EYA2: variants seen among roughly 807,000 people sequenced by gnomAD.
EYA2 encodes the protein protein phosphatase EYA2.
Under a neutral mutation model 69.2 loss-of-function variants are expected in EYA2, and 31 were observed. The observed-to-expected ratio is 0.45, with a 90% confidence interval of 0.34 to 0.60. The LOEUF (loss-of-function observed/expected upper bound fraction) is 0.60. Ranked by LOEUF, EYA2 falls within the 20% of genes least tolerant of loss-of-function variation. EYA2 has a pLI of 0.02. For synonymous variants in EYA2, 257 were observed against 279.4 expected, an observed-to-expected ratio of 0.92 and a Z score of 0.80; for missense variants, 622 against 701.2, an observed-to-expected ratio of 0.89 and a Z score of 1.28.
intron 7 of EYA2, among the ~76,000 whole-genome samples, chr20:47,078,325 G>GCA (rs1358060493): frequency 3.8e-5 from 4 of 105,344 alleles, no homozygotes; most frequent in African/African-American, 8.7e-5. Context: ...ACGTGCGCGC[G>GCA]CGCGCGCACA....
intron 1 of EYA2, among the ~76,000 whole-genome samples, chr20:46,913,862 G>A (rs1043458182): frequency 6.6e-6 from 1 of 152,160 alleles, no homozygotes; most frequent in Non-Finnish European, 1.5e-5. Context: ...ATTGAGCCAG[G>A]TGTTTGAATA....
intron 9 of EYA2, among the ~76,000 whole-genome samples, chr20:47,130,958 G>C (rs550613788): frequency 1.3e-5 from 2 of 152,138 alleles, no homozygotes; most frequent in South Asian, 4.2e-4. Flanking sequence ...GTGTAGTGGC[G>C]GGTGCCTGTA....
chr20:46,977,792 T>G lies in EYA2; in HGVS notation c.-10-12209T>G, dbSNP rs60654060. On this transcript the variant is annotated intron_variant, in intron 1 of 15. Coordinates refer to ENST00000327619, the MANE Select transcript of EYA2 (RefSeq NM_005244.5). ...CATTGCAGCCCTGCCCCACAACTTC[T>G]ATTCAATGACACTTCCCCATGTTAA... is the stretch of plus-strand genomic sequence containing the variant. Among the ~76,000 whole-genome samples, 1,395 of 152,254 alleles carry G rather than the reference T, an allele frequency of 9.2e-3. 22 individuals are homozygous for G. The highest frequency in any genetic ancestry group is 0.073 in the East Asian group (377 of 5,182).
chr20:47,049,839 CTA>C (rs1357243168), intron 5 of EYA2, among the ~76,000 whole-genome samples: 1 of 151,058 alleles, frequency 6.6e-6, no homozygotes, highest in East Asian at 1.9e-4. Context: ...GCCTCTCTCT[CTA>C]GGCTCCCATC....
At chr20:47,172,569 C>T (rs953516727) in intron 11 of EYA2, 138 bp from the exon 12 acceptor site, 30 of 770,474 alleles carry the variant, frequency 3.9e-5, no homozygotes, top group Admixed American at 8.1e-5. Flanking sequence ...AATGCACACT[C>T]GCAGCACCCT....
At chr20:46,957,637 A>G (rs998707369) in intron 1 of EYA2, among the ~76,000 whole-genome samples, 5 of 152,038 alleles carry the variant, frequency 3.3e-5, no homozygotes, top group Admixed American at 3.3e-4. Flanking sequence ...GCTTGGAGTG[A>G]TGCAGCCACA....
At chr20:47,099,102 C>T (rs1441362879) in intron 9 of EYA2, among the ~76,000 whole-genome samples, 2 of 152,224 alleles carry the variant, frequency 1.3e-5, no homozygotes, top group African/African-American at 4.8e-5. Flanking sequence ...TAGTTACTGC[C>T]GTGGGCAGTT....
intron 15 of EYA2, 25 bp downstream of exon 15, chr20:47,183,416 C>A (rs533350061): frequency 1.2e-6 from 2 of 1,606,188 alleles, no homozygotes; most frequent in African/African-American, 1.3e-5. Context: ...TCTCAGACTG[C>A]GTTTTCCTGC....
intron 9 of EYA2, among the ~76,000 whole-genome samples, chr20:47,105,332 A>T (rs537036695): frequency 6.6e-6 from 1 of 152,316 alleles, no homozygotes; most frequent in South Asian, 2.1e-4. Flanking sequence ...TTATTCACGA[A>T]TCTGCCCAGT....
intron 5 of EYA2, among the ~76,000 whole-genome samples, chr20:47,048,176 AG>A (rs2030146211): frequency 6.6e-6 from 1 of 152,232 alleles, no homozygotes; most frequent in Non-Finnish European, 1.5e-5. Flanking sequence ...ACAGATACAC[AG>A]AAACATTTTT....
intron 12 of EYA2, among the ~76,000 whole-genome samples, chr20:47,176,500 A>C (rs1380363268): frequency 2.6e-5 from 4 of 152,196 alleles, no homozygotes; most frequent in African/African-American, 7.2e-5. Context: ...CCCAGAGTCC[A>C]TCTCTCAGGA....
At chr20:46,922,638 G>A (rs982411039) in intron 1 of EYA2, among the ~76,000 whole-genome samples, 1 of 152,156 alleles carries the variant, frequency 6.6e-6, no homozygotes, top group Non-Finnish European at 1.5e-5. Flanking sequence ...GTCGAATGCC[G>A]AGGACCAGCT....
chr20:47,117,261 G>A (rs1600721142), intron 9 of EYA2: 1 of 495,516 alleles, frequency 2.0e-6, no homozygotes, highest in East Asian at 1.5e-4. Context: ...CCGCCCGCCT[G>A]GGCCTTCCAA....
intron 1 of EYA2, among the ~76,000 whole-genome samples, chr20:46,967,946 A>G (rs184516579): frequency 3.9e-5 from 6 of 152,318 alleles, no homozygotes; most frequent in Admixed American, 2.0e-4. Context: ...CTGGCTGACC[A>G]TGGGCTCTGC....
chr20:46,990,915 A>T (rs1356476341), intron 2 of EYA2, among the ~76,000 whole-genome samples: 1 of 152,218 alleles, frequency 6.6e-6, no homozygotes, highest in Non-Finnish European at 1.5e-5. Flanking sequence ...ATATAACATC[A>T]CAAGGAATTG....
chr20:47,007,173 C>T (rs1218662961), intron 4 of EYA2, among the ~76,000 whole-genome samples: 1 of 152,224 alleles, frequency 6.6e-6, no homozygotes, highest in Non-Finnish European at 1.5e-5. Flanking sequence ...CTCAAGTGAT[C>T]TACTGCCTTG....
chr20:47,175,443 C>T (rs546279366), intron 12 of EYA2, among the ~76,000 whole-genome samples: 2 of 152,268 alleles, frequency 1.3e-5, no homozygotes, highest in African/African-American at 4.8e-5. Context: ...CCTCAGTTTC[C>T]TCCTCGTGTG....
At position 46,987,916 on chromosome 20, in the gene EYA2, G is replaced by GACTCTCTCTCTCTCTCTCTCTCTCTCTC. The variant is rs56288405; in HGVS notation, c.-10-2085_-10-2084insACTCTCTCTCTCTCTCTCTCTCTCTCTC. On this transcript the variant is annotated intron_variant, in intron 1 of 15. Transcript: ENST00000327619. ...TACTCCAGCCTGGAAGACAGAGTAAGTCTCTCTCTCTCTCTCTCTCTCTCT... is the reference window on the plus strand; with the variant it reads ...TACTCCAGCCTGGAAGACAGAGTAAGACTCTCTCTCTCTCTCTCTCTCTCTCTCTCTCTCTCTCTCTCTCTCTCTCTCT... Among the ~76,000 whole-genome samples, 7 of 20,374 alleles carry GACTCTCTCTCTCTCTCTCTCTCTCTCTC rather than the reference G, an allele frequency of 3.4e-4. 2 individuals carry two copies. Among genetic ancestry groups the GACTCTCTCTCTCTCTCTCTCTCTCTCTC allele is most frequent in the East Asian group, 1.7e-3 (1 of 596 alleles). 13.4% of individuals were successfully genotyped at this position (20,374 alleles called of 152,430 possible).
intron 10 of EYA2, among the ~76,000 whole-genome samples, chr20:47,149,386 C>T (rs2033772168): frequency 6.6e-6 from 1 of 152,098 alleles, no homozygotes; most frequent in Non-Finnish European, 1.5e-5. Flanking sequence ...ATCACACCAC[C>T]GAAACTCTCT....
Sources: gnomAD v4.1 joint callset for allele counts (sites outside exome capture counted in the v4.1 genomes callset) on GRCh38, gnomAD v4.1.1 for gene constraint, MANE v1.5 for transcripts, NCBI Gene and HGNC (gene_info 2026-07-23, HGNC 2026-07-21) for gene names.